ANGPT1: variants seen among roughly 807,000 people sequenced by gnomAD.
ANGPT1 encodes the protein angiopoietin 1.
ANGPT1 carries 17 observed loss-of-function variants against 62.2 expected under a neutral mutation model. The observed-to-expected ratio is 0.27, with a 90% CI of 0.19 to 0.41. ANGPT1 has a LOEUF of 0.41. Among genes scored for constraint, ANGPT1 ranks in the 10% least tolerant of loss-of-function variants. The probability of loss-of-function intolerance (pLI) is 1.00; values close to 1 mark genes in which losing one functional copy is unlikely to be tolerated. For synonymous variants in ANGPT1, 199 were observed against 198.9 expected, an observed-to-expected ratio of 1.00 and a Z score of 0.00; for missense variants, 478 against 594.9, an observed-to-expected ratio of 0.80 and a Z score of 2.04.
intron 1 of ANGPT1, among the ~76,000 whole-genome samples, chr8:107,488,991 A>G (rs545300721): frequency 6.3e-4 from 96 of 152,324 alleles, no homozygotes; most frequent in African/African-American, 2.2e-3. Context: ...AAAGTCTCCA[A>G]TAATCTTGAA....
intron 1 of ANGPT1, among the ~76,000 whole-genome samples, chr8:107,419,601 A>C (rs1002188267): frequency 6.6e-6 from 1 of 152,162 alleles, no homozygotes. Flanking sequence ...TTATTAAGTA[A>C]ATTTGTATGC....
At chr8:107,333,984 G>GGAA (rs1563573921) in intron 3 of ANGPT1, among the ~76,000 whole-genome samples, 48 of 60,446 alleles carry the variant, frequency 7.9e-4, no homozygotes, top group South Asian at 2.6e-3. Context: ...GAGGGAGGGA[G>GGAA]GGAGGGAGGG....
At chr8:107,275,915 T>C (rs530097115) in intron 7 of ANGPT1, among the ~76,000 whole-genome samples, 4 of 152,282 alleles carry the variant, frequency 2.6e-5, no homozygotes, top group African/African-American at 7.2e-5. Flanking sequence ...AGGAATCCTC[T>C]GGGAATCCTT....
intron 1 of ANGPT1, among the ~76,000 whole-genome samples, chr8:107,404,373 G>A (rs570226766): frequency 3.9e-5 from 6 of 152,148 alleles, no homozygotes; most frequent in East Asian, 1.9e-4. Context: ...TCCTTGGTTC[G>A]TGTCCCTCCA....
intron 1 of ANGPT1, among the ~76,000 whole-genome samples, chr8:107,390,314 C>G (rs1253178278): frequency 6.6e-6 from 1 of 152,040 alleles, no homozygotes; most frequent in African/African-American, 2.4e-5. Flanking sequence ...TTGTAATAAA[C>G]AAAAATATGC....
chr8:107,274,798 C>T (rs1379707801), intron 7 of ANGPT1, among the ~76,000 whole-genome samples: 1 of 152,066 alleles, frequency 6.6e-6, no homozygotes, highest in East Asian at 1.9e-4. Flanking sequence ...ACAAAAAAAC[C>T]TTGTCAATAT....
chr8:107,322,696 A>G lies in ANGPT1; in HGVS notation c.576-568T>C, dbSNP rs141637737. ...GAAACACAAAGGTTTATGTACAATG[A>G]CATTAAGAAAGAAAAAAATCTCTTA... On this transcript the variant is annotated intron_variant, in intron 3 of 8. Coordinates refer to ENST00000517746, the MANE Select transcript of ANGPT1 (RefSeq NM_001146.5). The G allele has an allele frequency of 4.0e-3, 1,282 of 318,008 alleles. 13 individuals are homozygous for G. Among genetic ancestry groups the G allele is most frequent in the African/African-American group, 0.027 (1,200 of 44,542 alleles). The allele number at this position is 318,008 out of a possible 1,614,324, so 19.7% of individuals were successfully genotyped here.
intron 1 of ANGPT1, among the ~76,000 whole-genome samples, chr8:107,421,434 G>T (rs1304845153): frequency 6.6e-6 from 1 of 152,096 alleles, no homozygotes; most frequent in Admixed American, 6.6e-5. Flanking sequence ...CCAAAACAAG[G>T]AAAGAAAGAA....
intron 1 of ANGPT1, among the ~76,000 whole-genome samples, chr8:107,365,904 T>A (rs1299727): frequency 2.0e-5 from 3 of 150,910 alleles, no homozygotes; most frequent in Non-Finnish European, 4.4e-5. Context: ...TTTGCCTGTA[T>A]ACACAAATAG....
chr8:107,418,910 T>C (rs1586306130), intron 1 of ANGPT1, among the ~76,000 whole-genome samples: 1 of 152,054 alleles, frequency 6.6e-6, no homozygotes, highest in Non-Finnish European at 1.5e-5. Flanking sequence ...GGGGAAAAAA[T>C]CCCAGCCTCT....
intron 2 of ANGPT1, among the ~76,000 whole-genome samples, chr8:107,337,246 G>A (rs1275930419): frequency 4.6e-5 from 7 of 152,162 alleles, no homozygotes; most frequent in Admixed American, 4.6e-4. Flanking sequence ...AGGAGACGGT[G>A]AGTCAAACCA....
At chr8:107,348,042 G>T (rs1815850985) in intron 1 of ANGPT1, among the ~76,000 whole-genome samples, 1 of 152,164 alleles carries the variant, frequency 6.6e-6, no homozygotes, top group African/African-American at 2.4e-5. Context: ...CCACTGTGTG[G>T]TGACTACATT....
chr8:107,382,941 C>G (rs1354637017), intron 1 of ANGPT1, among the ~76,000 whole-genome samples: 1 of 152,138 alleles, frequency 6.6e-6, no homozygotes, highest in Non-Finnish European at 1.5e-5. Flanking sequence ...TTGGTTATAT[C>G]TTAAAAATAG....
In ANGPT1 at chr8:107,489,236, T is replaced by C. The variant is rs563693065; in HGVS notation, c.297+8026A>G. Among the ~76,000 whole-genome samples the C allele has an allele frequency of 5.3e-5, 8 of 152,288 alleles. No individual in the cohort carries two copies. In the South Asian group the frequency reaches 1.7e-3, roughly 32 times the overall value. On this transcript the variant is annotated intron_variant, in intron 1 of 8. Coordinates refer to ENST00000517746, the MANE Select transcript of ANGPT1 (RefSeq NM_001146.5). ...TTACTAGTGATTTAAGATATTCAGATTTTTTTCACTTGCATTTTATTCATA... is the reference window on the plus strand; with the variant it reads ...TTACTAGTGATTTAAGATATTCAGACTTTTTTCACTTGCATTTTATTCATA...
intron 1 of ANGPT1, among the ~76,000 whole-genome samples, chr8:107,389,486 C>G (rs1445394204): frequency 6.6e-6 from 1 of 152,074 alleles, no homozygotes. Flanking sequence ...ATGAATGTGA[C>G]AGGACCTTGA....
chr8:107,464,900 G>C (rs911919360), intron 1 of ANGPT1, among the ~76,000 whole-genome samples: 4 of 152,108 alleles, frequency 2.6e-5, no homozygotes, highest in Admixed American at 6.6e-5. Flanking sequence ...CAGGGAACTA[G>C]AGCAGGAAAA....
At chr8:107,459,772 C>CTAGAA (rs57580509) in intron 1 of ANGPT1, among the ~76,000 whole-genome samples, 7,919 of 152,100 alleles carry the variant, frequency 0.052, 231 homozygotes, top group South Asian at 0.11. Context: ...CATTGCCTTT[C>CTAGAA]TAGAATGTCA....
intron 1 of ANGPT1, among the ~76,000 whole-genome samples, chr8:107,490,181 G>C (rs1306746471): frequency 6.6e-6 from 1 of 152,120 alleles, no homozygotes; most frequent in Non-Finnish European, 1.5e-5. Flanking sequence ...TGACAGGGGG[G>C]AAAGGTTTCT....
intron 1 of ANGPT1, among the ~76,000 whole-genome samples, chr8:107,445,728 T>C (rs1269331553): frequency 1.1e-4 from 16 of 152,102 alleles, no homozygotes. Context: ...GAAAAATAGA[T>C]ACGAGTAACA....
Sources: gnomAD v4.1 joint callset for allele counts (sites outside exome capture counted in the v4.1 genomes callset) on GRCh38, gnomAD v4.1.1 for gene constraint, MANE v1.5 for transcripts, NCBI Gene and HGNC (gene_info 2026-07-23, HGNC 2026-07-21) for gene names.